The following EPM2A variants were observed in gnomAD, a reference collection of about 807,000 sequenced individuals.
EPM2A encodes EPM2A glucan phosphatase, laforin, also known as laforin.
A neutral mutation model predicts 26.5 loss-of-function variants in EPM2A; 21 were observed. The observed-to-expected ratio is 0.79, with a 90% CI of 0.56 to 1.14. The LOEUF (loss-of-function observed/expected upper bound fraction) is 1.14. EPM2A is among the 50% of genes most tolerant of loss of function. EPM2A has a pLI of 0.00. For missense variants in EPM2A, 458 were observed against 440.8 expected (o/e 1.04, Z -0.35); for synonymous variants, 217 against 177.6 (o/e 1.22, Z -1.76).
chr6:145,424,831 T>C (rs1255805474), intron 4 of EPM2A, among the ~76,000 whole-genome samples: 1 of 152,212 alleles, frequency 6.6e-6, no homozygotes, highest in Non-Finnish European at 1.5e-5. Flanking sequence ...AGACACTGAA[T>C]CTGCTGAAAC....
chr6:145,733,511 C>T (rs2128646933), intron 1 of EPM2A, among the ~76,000 whole-genome samples: 1 of 152,112 alleles, frequency 6.6e-6, no homozygotes, highest in South Asian at 2.1e-4. Context: ...GAAATAGCAA[C>T]ATAAGCAAAC....
downstream of EPM2A, among the ~76,000 whole-genome samples, chr6:145,623,290 A>G (rs888389298): frequency 2.0e-5 from 3 of 152,244 alleles, no homozygotes; most frequent in African/African-American, 7.2e-5. Flanking sequence ...TCTATGAAGA[A>G]AAATAAAGCA....
intron 2 of EPM2A, among the ~76,000 whole-genome samples, chr6:145,680,441 G>C (rs1449201770): frequency 6.6e-6 from 1 of 150,708 alleles, no homozygotes; most frequent in African/African-American, 2.4e-5. Flanking sequence ...TGCACAATGT[G>C]CAGGTTAGTT....
At chr6:145,643,656 T>C (rs1323199739) in intron 2 of EPM2A, among the ~76,000 whole-genome samples, 1 of 152,174 alleles carries the variant, frequency 6.6e-6, no homozygotes. Flanking sequence ...GGTCTTTATT[T>C]CAGCTCCAAA....
chr6:145,600,947 T>C (rs1199806463), intron 2 of EPM2A, among the ~76,000 whole-genome samples: 1 of 152,236 alleles, frequency 6.6e-6, no homozygotes, highest in Non-Finnish European at 1.5e-5. Context: ...GGGTCATGGC[T>C]GTACCCTTTC....
At chr6:145,515,103 T>C (rs186283327) in intron 2 of EPM2A, among the ~76,000 whole-genome samples, 11 of 152,338 alleles carry the variant, frequency 7.2e-5, no homozygotes, top group Admixed American at 7.2e-4. Context: ...TCTTGCAGTA[T>C]AGAGGCCACT....
chr6:145,649,008 TA>T, intron 2 of EPM2A, among the ~76,000 whole-genome samples: 1 of 152,326 alleles, frequency 6.6e-6, no homozygotes, highest in South Asian at 2.1e-4. Context: ...AAGTACCAAG[TA>T]GTGATTTAAT....
At chr6:145,558,095 A>G (rs1290855674) in intron 2 of EPM2A, among the ~76,000 whole-genome samples, 1 of 152,146 alleles carries the variant, frequency 6.6e-6, no homozygotes, top group East Asian at 1.9e-4. Context: ...CACAAATGAC[A>G]GGATTTCCTT....
chr6:145,702,095 T>C (rs1197284693), intron 1 of EPM2A, among the ~76,000 whole-genome samples: 1 of 152,200 alleles, frequency 6.6e-6, no homozygotes, highest in Non-Finnish European at 1.5e-5. Flanking sequence ...TATTGCCTTC[T>C]CTTGCCTCTA....
At chr6:145,512,023 A>C (rs939326072) in intron 2 of EPM2A, among the ~76,000 whole-genome samples, 12 of 152,226 alleles carry the variant, frequency 7.9e-5, no homozygotes, top group Non-Finnish European at 1.8e-4. Context: ...AGCCAGAATA[A>C]AGCGTTAAGT....
At chr6:145,648,259 A>T (rs1474046448) in intron 2 of EPM2A, among the ~76,000 whole-genome samples, 1 of 152,316 alleles carries the variant, frequency 6.6e-6, no homozygotes, top group African/African-American at 2.4e-5. Flanking sequence ...AGCCACATAA[A>T]AGGTAGAGAC....
intron 2 of EPM2A, among the ~76,000 whole-genome samples, chr6:145,592,154 TC>T (rs1386144203): frequency 5.7e-5 from 4 of 70,406 alleles, no homozygotes; most frequent in Non-Finnish European, 1.0e-4. Context: ...ATGCTATCCC[TC>T]CCCCCTCCCC....
rs1372404121 is a variant in EPM2A at position 145,635,876 on chromosome 6, AAAAC to A, written c.477-394_477-391del. On this transcript the variant is annotated intron_variant, in intron 2 of 3. Transcript: ENST00000367519. The stretch of plus-strand genomic sequence containing the variant: ...CTGTAATTATATAAATAAATTCTGA[AAAAC>A]AAATTTCAGCAGGCATTCCGGTTTA... The A allele has an allele frequency of 2.0e-5, 4 of 196,122 alleles. No individual in the cohort carries two copies. The Admixed American group carries it at 2.1e-4, about 10-fold the overall frequency. 12.1% of individuals were successfully genotyped at this position (196,122 alleles called of 1,614,324 possible).
At chr6:145,467,995 T>C (rs1278306794) in intron 4 of EPM2A, among the ~76,000 whole-genome samples, 1 of 152,108 alleles carries the variant, frequency 6.6e-6, no homozygotes, top group Non-Finnish European at 1.5e-5. Flanking sequence ...GGTAATCACA[T>C]TTTATACAAA....
intron 2 of EPM2A, among the ~76,000 whole-genome samples, chr6:145,661,804 T>C (rs1352050905): frequency 6.6e-6 from 1 of 152,174 alleles, no homozygotes; most frequent in African/African-American, 2.4e-5. Context: ...CCCTCAACTG[T>C]AAATAACCAT....
At chr6:145,537,897 C>G (rs1437756920) in intron 2 of EPM2A, among the ~76,000 whole-genome samples, 1 of 152,084 alleles carries the variant, frequency 6.6e-6, no homozygotes, top group South Asian at 2.1e-4. Flanking sequence ...CTGATGGCTT[C>G]CAGCTTCATC....
chr6:145,648,762 G>A (rs1777666815), intron 2 of EPM2A, among the ~76,000 whole-genome samples: 1 of 152,136 alleles, frequency 6.6e-6, no homozygotes, highest in East Asian at 1.9e-4. Flanking sequence ...TCAGAGCCTG[G>A]GAGAGAGATC....
At position 145,581,794 on chromosome 6, in the gene EPM2A, G is replaced by T. The variant is rs974323059; in HGVS notation, c.340+53451C>A. Among the ~76,000 whole-genome samples the T allele has an allele frequency of 7.2e-5, 11 of 152,174 alleles. No homozygotes were observed. In the East Asian group the frequency reaches 2.1e-3, roughly 29 times the overall value. ...TGTAAACTTTGTCAAAAATCAGATGGTCATAGATGTGCAGGCTTTTTCCTG... is the reference window on the plus strand; with the variant it reads ...TGTAAACTTTGTCAAAAATCAGATGTTCATAGATGTGCAGGCTTTTTCCTG... On this transcript the variant is annotated intron_variant, in intron 2 of 3. Coordinates refer to the EPM2A transcript ENST00000450221.
intron 4 of EPM2A, among the ~76,000 whole-genome samples, chr6:145,447,584 A>T (rs1218268502): frequency 2.0e-5 from 3 of 152,162 alleles, no homozygotes; most frequent in African/African-American, 2.4e-5. Context: ...TAAAAATGTT[A>T]ATGGCTCAAC....
Sources: gnomAD v4.1 joint callset for allele counts (sites outside exome capture counted in the v4.1 genomes callset) on GRCh38, gnomAD v4.1.1 for gene constraint, MANE v1.5 for transcripts, NCBI Gene and HGNC (gene_info 2026-07-23, HGNC 2026-07-21) for gene names.